Variants in JAKMIP2 observed in about 807,000 individuals in gnomAD.
JAKMIP2 encodes janus kinase and microtubule-interacting protein 2.
JAKMIP2 carries 25 observed loss-of-function variants against 115.0 expected under a neutral mutation model. The observed-to-expected ratio is 0.22, with a 90% CI of 0.16 to 0.30. The LOEUF (loss-of-function observed/expected upper bound fraction) is 0.30. JAKMIP2 is among the 10% of genes least tolerant of loss of function. JAKMIP2 has a pLI of 1.00. For synonymous variants in JAKMIP2, 334 were observed against 343.6 expected (o/e 0.97, Z 0.31); for missense variants, 642 against 957.6 (o/e 0.67, Z 4.35).
At chr5:147,688,291 T>C (rs1290437324) in intron 1 of JAKMIP2, among the ~76,000 whole-genome samples, 1 of 152,228 alleles carries the variant, frequency 6.6e-6, no homozygotes, top group Non-Finnish European at 1.5e-5. Flanking sequence ...AATCCCATTT[T>C]TTAGGGTGGT....
At chr5:147,671,061 A>C (rs1455767331) in intron 2 of JAKMIP2, among the ~76,000 whole-genome samples, 3 of 152,244 alleles carry the variant, frequency 2.0e-5, no homozygotes, top group Non-Finnish European at 4.4e-5. Flanking sequence ...GAGGTGAGTG[A>C]AGGAGCATGG....
At chr5:147,690,082 G>A (rs1760757591) in intron 1 of JAKMIP2, among the ~76,000 whole-genome samples, 1 of 152,156 alleles carries the variant, frequency 6.6e-6, no homozygotes, top group Non-Finnish European at 1.5e-5. Context: ...GGACACAGTG[G>A]CTCACACCAG....
chr5:147,620,848 C>T, intron 17 of JAKMIP2, 105 bp from the exon 18 acceptor site: 1 of 798,302 alleles, frequency 1.3e-6, no homozygotes, highest in Non-Finnish European at 2.1e-6. Flanking sequence ...AGACAAATCA[C>T]TAGTATTTGT....
At chr5:147,668,762 T>C (rs1759434288) in intron 2 of JAKMIP2, among the ~76,000 whole-genome samples, 1 of 152,182 alleles carries the variant, frequency 6.6e-6, no homozygotes, top group African/African-American at 2.4e-5. Flanking sequence ...TATTGTCCCA[T>C]TTGACAGATG....
chr5:147,682,731 T>C (rs1246564335), intron 1 of JAKMIP2, among the ~76,000 whole-genome samples: 1 of 152,216 alleles, frequency 6.6e-6, no homozygotes, highest in Non-Finnish European at 1.5e-5. Context: ...AAATTTCTTT[T>C]ATTTTGCAGG....
chr5:147,594,507 G>A (rs1755258913), intron 21 of JAKMIP2: 2 of 437,376 alleles, frequency 4.6e-6, no homozygotes, highest in South Asian at 1.6e-5. Context: ...GCTAGTTTTT[G>A]TACTTTTGTA....
intron 7 of JAKMIP2, 43 bp from the exon 8 acceptor site, chr5:147,641,807 T>C (rs770280637): frequency 3.3e-6 from 5 of 1,495,294 alleles, no homozygotes; most frequent in East Asian, 4.5e-5. Flanking sequence ...AATTGGTAGA[T>C]GTTTCTTTAT....
chr5:147,646,316 T>C, intron 5 of JAKMIP2, among the ~76,000 whole-genome samples: 1 of 152,206 alleles, frequency 6.6e-6, no homozygotes, highest in East Asian at 1.9e-4. Flanking sequence ...TCCTGAAGCA[T>C]TAATGCCTTA....
At chr5:147,668,211 G>A (rs1380584297) in intron 2 of JAKMIP2, among the ~76,000 whole-genome samples, 1 of 152,162 alleles carries the variant, frequency 6.6e-6, no homozygotes, top group Non-Finnish European at 1.5e-5. Context: ...TCTGCCCTGA[G>A]AACCCTGTTC....
At chr5:147,692,997 A>G (rs1035461596) in intron 1 of JAKMIP2, among the ~76,000 whole-genome samples, 5 of 152,238 alleles carry the variant, frequency 3.3e-5, no homozygotes, top group Non-Finnish European at 5.9e-5. Context: ...AATCATAATT[A>G]TGTGTGCCAC....
intron 4 of JAKMIP2, 38 bp downstream of exon 4, chr5:147,650,300 G>A (rs1017701801): frequency 7.8e-7 from 1 of 1,283,292 alleles, no homozygotes; most frequent in Non-Finnish European, 1.1e-6. Flanking sequence ...AATAAAAGAT[G>A]ACTTGTGCAT....
At chr5:147,768,312 C>T (rs1171684505) in intron 1 of JAKMIP2, among the ~76,000 whole-genome samples, 4 of 152,128 alleles carry the variant, frequency 2.6e-5, no homozygotes, top group African/African-American at 9.6e-5. Context: ...TGTAGGTTCC[C>T]TACTCACTAC....
chr5:147,642,470 G>C (rs1422226866), intron 7 of JAKMIP2, among the ~76,000 whole-genome samples: 1 of 152,120 alleles, frequency 6.6e-6, no homozygotes, highest in Non-Finnish European at 1.5e-5. Flanking sequence ...AATGTCTTTT[G>C]AAAAGTCCGA....
At chr5:147,657,564 A>C (rs894519293) in intron 3 of JAKMIP2, among the ~76,000 whole-genome samples, 6 of 152,070 alleles carry the variant, frequency 3.9e-5, no homozygotes, top group Admixed American at 2.0e-4. Context: ...GCTAGGTTGG[A>C]GAAGTTCTCC....
At chr5:147,653,892 G>A (rs1168066820) in intron 3 of JAKMIP2, among the ~76,000 whole-genome samples, 1 of 152,164 alleles carries the variant, frequency 6.6e-6, no homozygotes, top group Non-Finnish European at 1.5e-5. Flanking sequence ...TTTGTATAAG[G>A]TGTAAGGAAG....
intron 21 of JAKMIP2, among the ~76,000 whole-genome samples, chr5:147,593,728 T>A (rs1755211059): frequency 6.6e-6 from 1 of 152,144 alleles, no homozygotes; most frequent in Non-Finnish European, 1.5e-5. Flanking sequence ...AGAGCCTGAG[T>A]GAAGAAAGCT....
intron 1 of JAKMIP2, among the ~76,000 whole-genome samples, chr5:147,684,957 T>A (rs900934208): frequency 3.9e-5 from 6 of 152,190 alleles, no homozygotes; most frequent in Non-Finnish European, 5.9e-5. Flanking sequence ...TCTTCATCAT[T>A]CCACATCTTC....
chr5:147,676,499 C>G (rs1759971770), intron 1 of JAKMIP2, among the ~76,000 whole-genome samples: 1 of 152,194 alleles, frequency 6.6e-6, no homozygotes, highest in Non-Finnish European at 1.5e-5. Context: ...CCAATCTCTA[C>G]AGGAGCTTTA....
chr5:147,764,889 G>GGAAAGAAAGAAA (rs758768756), intron 1 of JAKMIP2, among the ~76,000 whole-genome samples: 12 of 60,516 alleles, frequency 2.0e-4, no homozygotes, highest in African/African-American at 7.9e-4. Context: ...TGTCTAAAAG[G>GGAAAGAAAGAAA]GAAAGAAAGA....
Sources: allele counts gnomAD v4.1 joint callset (sites outside exome capture counted in the v4.1 genomes callset), GRCh38; gene constraint gnomAD v4.1.1; transcripts MANE v1.5; gene names NCBI Gene and HGNC (gene_info 2026-07-23, HGNC 2026-07-21).